ALS2: variants seen among roughly 807,000 people sequenced by gnomAD.
ALS2 encodes the protein alsin Rho guanine nucleotide exchange factor ALS2, also known as alsin.
Under a neutral mutation model 203.4 loss-of-function variants are expected in ALS2, and 117 were observed. That is an observed-to-expected ratio of 0.58 (90% confidence interval 0.50 to 0.67). The LOEUF (loss-of-function observed/expected upper bound fraction) is 0.67, where lower values mean the gene tolerates loss of function less well. ALS2 is among the 30% of genes least tolerant of loss of function. The pLI is 0.00. For missense variants in ALS2, 1,715 were observed against 1,989.4 expected (o/e 0.86, Z 2.62); for synonymous variants, 718 against 725.9 (o/e 0.99, Z 0.17).
intron 5 of ALS2, among the ~76,000 whole-genome samples, chr2:201,757,114 A>G (rs751460960): frequency 3.3e-5 from 5 of 152,218 alleles, no homozygotes; most frequent in Non-Finnish European, 7.4e-5. Flanking sequence ...ATCGGTCCCA[A>G]TTAGGAAATA....
At chr2:201,742,730 T>G (rs540969876) in intron 10 of ALS2, among the ~76,000 whole-genome samples, 1 of 152,290 alleles carries the variant, frequency 6.6e-6, no homozygotes, top group East Asian at 1.9e-4. Context: ...AGGGATTATA[T>G]TCACAAAGAC....
intron 25 of ALS2, among the ~76,000 whole-genome samples, chr2:201,713,007 C>T (rs1379354902): frequency 1.3e-5 from 2 of 152,034 alleles, no homozygotes; most frequent in African/African-American, 2.4e-5. Context: ...TGTGGTTTTT[C>T]CCAAGATGGA....
At chr2:201,766,949 G>C (rs1694117666) in intron 3 of ALS2, among the ~76,000 whole-genome samples, 1 of 144,246 alleles carries the variant, frequency 6.9e-6, no homozygotes, top group Non-Finnish European at 1.5e-5. Flanking sequence ...TTGTGGGGTG[G>C]AGGGAGCGGG....
rs746596658 is a variant in ALS2 at position 201,757,544 on chromosome 2, G to C, written c.1329C>G (p.Pro443=). ...GAQAGSSAIG[P]EGLKDSREEQ... is the part of the protein sequence containing the mutation. ...CTTCCCTGCTATCTTTCAAACCTTC[G>C]GGGCCAATGGCACTACTGCCTGCCT... Residue 443 remains proline, a synonymous_variant, in exon 5 of 34, where the codon CCC becomes CCG. Transcript: ENST00000264276. The C allele has an allele frequency of 6.2e-6, 10 of 1,613,760 alleles. No homozygotes were observed. The highest frequency in any genetic ancestry group is 8.5e-6 in the Non-Finnish European group (10 of 1,180,000).
At chr2:201,715,153 A>G (rs1021723928) in intron 25 of ALS2, among the ~76,000 whole-genome samples, 5 of 152,172 alleles carry the variant, frequency 3.3e-5, no homozygotes, top group Admixed American at 6.6e-5. Context: ...AGCTGCTACC[A>G]TTACTGCCAC....
Position 201,704,603 on chromosome 2 carries a change from G to A in ALS2, c.4689C>T (p.Ser1563=). The change falls in exon 32 of 34, where the codon AGC becomes AGT. Residue 1563 remains serine (S), a splice_region_variant and synonymous_variant. Coordinates refer to ENST00000264276, the MANE Select transcript of ALS2 (RefSeq NM_020919.4). ...ASAVECLQQI[S]TTFTPSDKLK... ...GTTTGTCTGATGGGGTAAATGTTGTGCTGTTACAGAAACAATGACAAAAAG... is the reference window on the plus strand; with the variant it reads ...GTTTGTCTGATGGGGTAAATGTTGTACTGTTACAGAAACAATGACAAAAAG... The A allele has an allele frequency of 6.2e-7, 1 of 1,614,056 alleles. No individual in the cohort carries two copies. Among genetic ancestry groups the A allele is most frequent in the Non-Finnish European group, 8.5e-7 (1 of 1,179,972 alleles).
chr2:201,745,072 G>A (rs17384831), intron 9 of ALS2, among the ~76,000 whole-genome samples: 75,955 of 152,164 alleles, frequency 0.5, 22,368 homozygotes, highest in Non-Finnish European at 0.65. Context: ...ACATCCCATG[G>A]TAACCAAAGA....
At chr2:201,750,705 G>GA (rs1267894172) in intron 7 of ALS2, among the ~76,000 whole-genome samples, 2 of 152,162 alleles carry the variant, frequency 1.3e-5, no homozygotes, top group Non-Finnish European at 2.9e-5. Flanking sequence ...GAAATAAAGT[G>GA]AAAATCACTG....
At chr2:201,742,748 T>C (rs1692361792) in intron 10 of ALS2, among the ~76,000 whole-genome samples, 1 of 152,082 alleles carries the variant, frequency 6.6e-6, no homozygotes, top group Admixed American at 6.5e-5. Flanking sequence ...GACTGTAAAT[T>C]AGTTGTTTGA....
In ALS2 at chr2:201,726,738, A is replaced by G. The variant is rs1691187981; in HGVS notation, c.3108T>C (p.Tyr1036=). The change falls in exon 18 of 34, where the codon TAT becomes TAC. Residue 1036 remains tyrosine (Y), a synonymous_variant. Transcript: ENST00000264276. The part of the protein sequence containing the change: ...QEPPISRSAK[Y]TFYKDPRLKD... ...TTAGGCGAGGATCCTTGTAGAAAGT[A>G]TATTTGGCACTGCGTGAAATGGGTG... 3.7e-6 allele frequency: 6 copies of G among 1,614,084 alleles called. No individual in the cohort carries two copies. Among genetic ancestry groups the G allele is most frequent in the African/African-American group, 1.3e-5 (1 of 74,930 alleles).
intron 11 of ALS2, among the ~76,000 whole-genome samples, chr2:201,740,584 ATTTTT>A (rs1222142345): frequency 6.6e-6 from 1 of 152,166 alleles, no homozygotes; most frequent in African/African-American, 2.4e-5. Flanking sequence ...AAGTTCTATT[ATTTTT>A]ATTTTTCATT....
At chr2:201,752,577 T>C (rs1031909328) in intron 7 of ALS2, among the ~76,000 whole-genome samples, 1 of 152,142 alleles carries the variant, frequency 6.6e-6, no homozygotes, top group Non-Finnish European at 1.5e-5. Context: ...GAATCCTTTA[T>C]TGGCTTCTTA....
chr2:201,704,359 G>T, intron 32 of ALS2, 95 bp downstream of exon 32: 2 of 1,533,948 alleles, frequency 1.3e-6, no homozygotes, highest in Non-Finnish European at 1.8e-6. Context: ...TTTTTTTCTA[G>T]TGGAAGAGCG....
At chr2:201,706,804 A>C (rs1397957469) in intron 29 of ALS2, 42 bp downstream of exon 29, 1 of 1,610,506 alleles carries the variant, frequency 6.2e-7, no homozygotes, top group Non-Finnish European at 8.5e-7. Flanking sequence ...TTTGCATTTT[A>C]AATTAAAACC....
chr2:201,760,787 T>C lies in ALS2; in HGVS notation c.1113+94A>G, dbSNP rs1396801252. ...ATAATCAAACTCAAAAAATAAAAAA[T>C]GCTACCAAGCCTTACTCATTTTAAA... On this transcript the variant is annotated intron_variant, in intron 4 of 33. Transcript: ENST00000264276. 2.0e-6 allele frequency: 3 copies of C among 1,471,966 alleles called. No homozygotes were observed. In the Admixed American group the frequency reaches 8.1e-5, roughly 40 times the overall value. 91.2% of individuals were successfully genotyped at this position (1,471,966 alleles called of 1,614,324 possible). A position where few individuals can be genotyped will look rare whatever the true frequency, so the allele number is the denominator to read the frequency against.
intron 4 of ALS2, among the ~76,000 whole-genome samples, chr2:201,758,207 GA>G (rs1165220496): frequency 6.6e-6 from 1 of 151,594 alleles, no homozygotes; most frequent in Non-Finnish European, 1.5e-5. Flanking sequence ...GAAGTGGCAG[GA>G]AAAAAATTAG....
At chr2:201,729,647 G>A (rs764504070) in intron 13 of ALS2, among the ~76,000 whole-genome samples, 9 of 152,002 alleles carry the variant, frequency 5.9e-5, no homozygotes, top group Non-Finnish European at 8.8e-5. Flanking sequence ...TTGGGAGGCC[G>A]AGGCAGGCGG....
At chr2:201,763,978 T>C (rs1297555328) in intron 3 of ALS2, among the ~76,000 whole-genome samples, 1 of 152,190 alleles carries the variant, frequency 6.6e-6, no homozygotes, top group African/African-American at 2.4e-5. Flanking sequence ...AAGGCAGCAA[T>C]TGAGTTGATG....
Position 201,723,425 on chromosome 2 carries a change from C to A in ALS2, c.3529G>T (p.Gly1177Ter), listed in dbSNP as rs386134180. Residue 1177 changes from glycine to a stop codon, truncating the protein, a stop_gained, in exon 22 of 34, where the codon GGA becomes TGA. Transcript: ENST00000264276. LOFTEE classifies it high-confidence loss of function. ...DDITRGEKYM[G>*]MWQDDVCQGN... ...TGACACACATCATCTTGCCACATTC[C>A]CATATACTTTTCCCCCCTGCACAGA... 6.2e-7 allele frequency: 1 copy of A among 1,613,806 alleles called. No individual in the cohort carries two copies. The highest frequency in any genetic ancestry group is 8.5e-7 in the Non-Finnish European group (1 of 1,179,770).
Sources: gnomAD v4.1 joint callset for allele counts (sites outside exome capture counted in the v4.1 genomes callset) on GRCh38, gnomAD v4.1.1 for gene constraint, MANE v1.5 for transcripts, NCBI Gene and HGNC (gene_info 2026-07-23, HGNC 2026-07-21) for gene names.